COL21A1: variants seen among roughly 807,000 people sequenced by gnomAD.
COL21A1 encodes the protein collagen type XXI alpha 1 chain, also known as collagen alpha-1(XXI) chain.
COL21A1 carries 149 observed loss-of-function variants against 137.9 expected under a neutral mutation model. That is an observed-to-expected ratio of 1.08 (90% CI 0.95 to 1.24). The LOEUF is 1.24. Ranked by LOEUF, COL21A1 falls within the 50% of genes most tolerant of loss-of-function variation. COL21A1 has a pLI of 0.00. For missense variants in COL21A1, 1,167 were observed against 1,158.4 expected (o/e 1.01, Z -0.11); for synonymous variants, 456 against 391.5 (o/e 1.16, Z -1.95).
intron 17 of COL21A1, among the ~76,000 whole-genome samples, chr6:56,097,367 T>A (rs904340918): frequency 6.6e-6 from 1 of 152,090 alleles, no homozygotes; most frequent in African/African-American, 2.4e-5. Flanking sequence ...CCTCAGCACC[T>A]TGTTTGTCTA....
At chr6:56,364,385 C>T (rs189563796) in intron 1 of COL21A1, among the ~76,000 whole-genome samples, 57 of 152,294 alleles carry the variant, frequency 3.7e-4, no homozygotes, top group African/African-American at 1.3e-3. Flanking sequence ...GCACACAATG[C>T]TTTTTCACAG....
intron 1 of COL21A1, among the ~76,000 whole-genome samples, chr6:56,185,715 G>A (rs1041875866): frequency 6.6e-6 from 1 of 152,010 alleles, no homozygotes; most frequent in Non-Finnish European, 1.5e-5. Flanking sequence ...GATTACAGGC[G>A]TGAGCCACCG....
intron 21 of COL21A1, among the ~76,000 whole-genome samples, chr6:56,069,434 A>C (rs1766542712): frequency 1.3e-5 from 2 of 151,326 alleles, no homozygotes; most frequent in South Asian, 4.1e-4. Flanking sequence ...AATAAACACA[A>C]GTATCTCTTT....
At position 56,188,588 on chromosome 6, in the gene COL21A1, G is replaced by A. The variant is rs77733069; in HGVS notation, c.-38-5932C>T. The stretch of plus-strand genomic sequence containing the variant: ...GCAGACTTAAATTTCCCTGCCTGAC[G>A]GCTCTGAAGAGATCAGTGGACATGC... On this transcript the variant is annotated intron_variant, in intron 1 of 29. Coordinates refer to ENST00000244728, the MANE Select transcript of COL21A1 (RefSeq NM_030820.4). Among the ~76,000 whole-genome samples, 234 of 152,282 alleles carry A rather than the reference G, an allele frequency of 1.5e-3. 4 individuals are homozygous for A. The East Asian group carries it at 0.039, about 26-fold the overall frequency.
At chr6:56,282,453 C>A (rs973485886) in intron 1 of COL21A1, among the ~76,000 whole-genome samples, 2 of 152,054 alleles carry the variant, frequency 1.3e-5, no homozygotes, top group Non-Finnish European at 2.9e-5. Flanking sequence ...AGGACTAGAG[C>A]CACACATACT....
chr6:56,067,641 G>A (rs1766383692), intron 22 of COL21A1, among the ~76,000 whole-genome samples: 1 of 151,770 alleles, frequency 6.6e-6, no homozygotes, highest in Admixed American at 6.6e-5. Context: ...ACTAACAAGA[G>A]AGGACTTATT....
At chr6:56,174,320 A>G (rs1011137583) in intron 3 of COL21A1, among the ~76,000 whole-genome samples, 1 of 152,228 alleles carries the variant, frequency 6.6e-6, no homozygotes, top group East Asian at 1.9e-4. Flanking sequence ...GAGGAAAAAA[A>G]TAATTTAGAT....
At chr6:56,090,453 T>A (rs1191676287) in intron 17 of COL21A1, among the ~76,000 whole-genome samples, 1 of 152,216 alleles carries the variant, frequency 6.6e-6, no homozygotes, top group Non-Finnish European at 1.5e-5. Flanking sequence ...GTACAGATAA[T>A]GAGCCAACAT....
chr6:56,112,514 T>C (rs905220935), intron 16 of COL21A1, among the ~76,000 whole-genome samples: 3 of 151,966 alleles, frequency 2.0e-5, no homozygotes, highest in African/African-American at 7.2e-5. Flanking sequence ...CCCCTCCCCC[T>C]TCCCCAGCAG....
At chr6:56,148,117 A>G (rs1013913805) in intron 10 of COL21A1, among the ~76,000 whole-genome samples, 5 of 152,112 alleles carry the variant, frequency 3.3e-5, no homozygotes, top group Admixed American at 6.6e-5. Context: ...TTCTTTCAAT[A>G]CAGTTGTCAT....
In COL21A1 at chr6:56,060,147, G is replaced by C. The variant is rs1555131; in HGVS notation, c.2479C>G (p.Pro827Ala). ...CDHCLSQHGS[P>A]GIPGPPGPIG... ...GGACCAGGTGGCCCAGGAATACCCG[G>C]GGAGCCATGTTGGGACAGGCAATGA... The change falls in exon 28 of 30, where the codon CCG becomes GCG. Residue 827 changes from proline (P) to alanine (A), a missense_variant. Pro to Ala is a conservative substitution (Grantham distance 27). Coordinates refer to ENST00000244728, the MANE Select transcript of COL21A1 (RefSeq NM_030820.4). 3 of 1,611,372 alleles carry C rather than the reference G, an allele frequency of 1.9e-6. No homozygotes were observed. The African/African-American group carries it at 4.0e-5, about 22-fold the overall frequency.
intron 1 of COL21A1, among the ~76,000 whole-genome samples, chr6:56,199,861 CA>C (rs1194565293): frequency 2.0e-5 from 3 of 152,044 alleles, no homozygotes; most frequent in African/African-American, 7.2e-5. Context: ...TCAGAGGTGA[CA>C]AAACTAAATA....
rs1400567860 is a variant in COL21A1 at position 56,171,227 on chromosome 6, T to A, written c.641-99A>T. 1.8e-5 allele frequency: 13 copies of A among 708,090 alleles called. No homozygotes were observed. The African/African-American group carries it at 2.2e-4, about 12-fold the overall frequency. 43.9% of individuals were successfully genotyped at this position (708,090 alleles called of 1,614,324 possible). On this transcript the variant is annotated intron_variant, in intron 3 of 29. Coordinates refer to ENST00000244728, the MANE Select transcript of COL21A1 (RefSeq NM_030820.4). ...TACTAGACAATATAGTATTCTATCA[T>A]TAGAATTATAAAATCTACATATGTA... is the stretch of plus-strand genomic sequence containing the variant.
chr6:56,304,255 T>A (rs1764377520), intron 1 of COL21A1, among the ~76,000 whole-genome samples: 1 of 151,980 alleles, frequency 6.6e-6, no homozygotes, highest in African/African-American at 2.4e-5. Context: ...ATAAAATGAG[T>A]TAGGGAGGAT....
chr6:56,387,303 G>A (rs2094019943), intron 1 of COL21A1, among the ~76,000 whole-genome samples: 1 of 152,140 alleles, frequency 6.6e-6, no homozygotes. Flanking sequence ...CATGCTGTTT[G>A]GGAATATGGA....
chr6:56,058,717 A>C (rs1765540626), intron 29 of COL21A1, among the ~76,000 whole-genome samples: 1 of 152,204 alleles, frequency 6.6e-6, no homozygotes, highest in Non-Finnish European at 1.5e-5. Flanking sequence ...ACATATAGAA[A>C]GTATTTAATC....
At chr6:56,251,653 G>T (rs1187880285), upstream of COL21A1, among the ~76,000 whole-genome samples, 3 of 152,152 alleles carry the variant, frequency 2.0e-5, no homozygotes, top group Admixed American at 1.3e-4. Context: ...CCTATAAACA[G>T]GACTAGCCCC....
intron 9 of COL21A1, among the ~76,000 whole-genome samples, chr6:56,160,617 G>A (rs1036650343): frequency 2.0e-5 from 3 of 152,088 alleles, no homozygotes; most frequent in Non-Finnish European, 4.4e-5. Flanking sequence ...TGAAACAATT[G>A]TACATTTTGA....
At chr6:56,090,456 G>A (rs902264672) in intron 17 of COL21A1, among the ~76,000 whole-genome samples, 1 of 152,102 alleles carries the variant, frequency 6.6e-6, no homozygotes, top group African/African-American at 2.4e-5. Flanking sequence ...CAGATAATGA[G>A]CCAACATTTG....
Sources: allele counts gnomAD v4.1 joint callset (sites outside exome capture counted in the v4.1 genomes callset), GRCh38; gene constraint gnomAD v4.1.1; transcripts MANE v1.5; gene names NCBI Gene and HGNC (gene_info 2026-07-23, HGNC 2026-07-21).